Variants in MYO16 observed in about 807,000 individuals in gnomAD.
MYO16 encodes the protein unconventional myosin-XVI.
In MYO16, 94 loss-of-function variants were observed where a neutral mutation model predicts 205.3. The observed-to-expected ratio is 0.46, with a 90% CI of 0.39 to 0.54. The LOEUF (loss-of-function observed/expected upper bound fraction) is 0.54, where lower values mean the gene tolerates loss of function less well. Among genes scored for constraint, MYO16 ranks in the 20% least tolerant of loss-of-function variants. MYO16 has a pLI of 0.00. For synonymous variants in MYO16, 988 were observed against 954.0 expected (o/e 1.04, Z -0.66); for missense variants, 2,315 against 2,387.5 (o/e 0.97, Z 0.63).
intron 1 of MYO16, among the ~76,000 whole-genome samples, chr13:108,631,802 G>A (rs958613232): frequency 1.3e-5 from 2 of 152,182 alleles, no homozygotes; most frequent in Non-Finnish European, 2.9e-5. Flanking sequence ...AGAAGGCCGG[G>A]CGTGATGGCT....
chr13:108,581,463 A>G, the MYO16 span, among the ~76,000 whole-genome samples: 3 of 151,928 alleles, frequency 2.0e-5, no homozygotes, highest in East Asian at 3.9e-4. Flanking sequence ...TTTTCTACTT[A>G]TATCTCTCGC....
chr13:109,120,385 G>T lies in MYO16; in HGVS notation c.3454G>T (p.Val1152Leu). 1 of 1,604,714 alleles carries T rather than the reference G, an allele frequency of 6.2e-7. No individual in the cohort carries two copies. Among genetic ancestry groups the T allele is most frequent in the South Asian group, 1.1e-5 (1 of 88,522 alleles). Reference sequence around the variant, plus strand: ...TGCATTTTAGATGGGAGTCCGAAAAGTGTTTCTAAAATACTGGCATGCTGA... The same window carrying T: ...TGCATTTTAGATGGGAGTCCGAAAATTGTTTCTAAAATACTGGCATGCTGA... ...LQGWQMGVRK[V>L]FLKYWHADQL... The change falls in exon 29 of 35, where the codon GTG (valine) becomes TTG (leucine). Residue 1152 changes from valine (V) to leucine (L), a missense_variant. Physicochemically the swap from Val to Leu is conservative, Grantham distance 32 (BLOSUM62 1). Transcript: ENST00000457511.
chr13:108,663,666 T>C (rs1881600771), intron 1 of MYO16, among the ~76,000 whole-genome samples: 1 of 152,192 alleles, frequency 6.6e-6, no homozygotes, highest in Non-Finnish European at 1.5e-5. Context: ...TGAATCATGA[T>C]CTGTCACTGT....
the MYO16 span, among the ~76,000 whole-genome samples, chr13:108,578,064 C>G: frequency 2.6e-5 from 4 of 152,148 alleles, no homozygotes; most frequent in African/African-American, 9.7e-5. Flanking sequence ...ATGAAGTTTT[C>G]AGGATTAAAT....
intron 33 of MYO16, among the ~76,000 whole-genome samples, chr13:109,172,112 G>A (rs189404360): frequency 1.3e-5 from 2 of 152,120 alleles, no homozygotes; most frequent in Admixed American, 6.5e-5. Flanking sequence ...GCCGCACCTC[G>A]AAATCAATCC....
At chr13:109,202,608 A>G (rs773466821) in intron 34 of MYO16, among the ~76,000 whole-genome samples, 1 of 152,226 alleles carries the variant, frequency 6.6e-6, no homozygotes, top group Non-Finnish European at 1.5e-5. Context: ...TAGAATCAAC[A>G]TTGTGAAAAT....
chr13:108,701,288 C>T (rs1473401531), intron 2 of MYO16, among the ~76,000 whole-genome samples: 1 of 152,138 alleles, frequency 6.6e-6, no homozygotes, highest in African/African-American at 2.4e-5. Flanking sequence ...TGTCACCCCC[C>T]TGCAAACTCA....
intron 11 of MYO16, among the ~76,000 whole-genome samples, chr13:108,863,983 C>T (rs1878580858): frequency 6.6e-6 from 1 of 152,118 alleles, no homozygotes; most frequent in African/African-American, 2.4e-5. Flanking sequence ...ATAATACCAT[C>T]TTCATCTGTT....
rs571769397 is a variant in MYO16 at position 108,880,265 on chromosome 13, C to T, written c.1426-2794C>T. Among the ~76,000 whole-genome samples the T allele has an allele frequency of 2.6e-5, 4 of 152,296 alleles. No homozygotes were observed. The South Asian group carries it at 6.2e-4, about 24-fold the overall frequency. ...TCTTTGTAGATTCTGGATATTAGCC[C>T]TTTGTCAGTTGGGTAGATTGCAAAA... On this transcript the variant is annotated intron_variant, in intron 12 of 34. Coordinates refer to ENST00000457511, the MANE Select transcript of MYO16 (RefSeq NM_001198950.3).
intron 4 of MYO16, among the ~76,000 whole-genome samples, chr13:108,735,432 G>T (rs1037557510): frequency 6.6e-6 from 1 of 151,928 alleles, no homozygotes; most frequent in Non-Finnish European, 1.5e-5. Flanking sequence ...CCCTACAAAG[G>T]ACATGAACTC....
intron 34 of MYO16, among the ~76,000 whole-genome samples, chr13:109,184,731 G>A (rs753711015): frequency 7.9e-5 from 12 of 151,796 alleles, no homozygotes; most frequent in Non-Finnish European, 1.2e-4. Flanking sequence ...CAAGTAGTTG[G>A]GATTACAGGC....
intron 11 of MYO16, among the ~76,000 whole-genome samples, chr13:108,861,491 T>A (rs1462325558): frequency 6.6e-6 from 1 of 152,206 alleles, no homozygotes; most frequent in Admixed American, 6.5e-5. Context: ...TGCACCTTTT[T>A]ATTTTTTGGC....
At chr13:108,754,615 G>A (rs780311139) in intron 4 of MYO16, among the ~76,000 whole-genome samples, 2 of 152,142 alleles carry the variant, frequency 1.3e-5, no homozygotes, top group Non-Finnish European at 2.9e-5. Context: ...AAAACATTGT[G>A]GCAAATGGCA....
chr13:108,570,146 G>A, the MYO16 span, among the ~76,000 whole-genome samples: 1 of 152,088 alleles, frequency 6.6e-6, no homozygotes, highest in Admixed American at 6.6e-5. Context: ...TACTTAGGGT[G>A]TGTTTTATTT....
At chr13:108,797,497 C>A (rs186429591) in intron 6 of MYO16, among the ~76,000 whole-genome samples, 1 of 152,284 alleles carries the variant, frequency 6.6e-6, no homozygotes, top group Non-Finnish European at 1.5e-5. Context: ...GACGAAATGT[C>A]CTCGGAACCA....
At chr13:108,651,635 A>G (rs1223672929) in intron 1 of MYO16, among the ~76,000 whole-genome samples, 1 of 152,248 alleles carries the variant, frequency 6.6e-6, no homozygotes, top group African/African-American at 2.4e-5. Flanking sequence ...ATGGAAACAC[A>G]AGAAATGGCC....
intron 2 of MYO16, among the ~76,000 whole-genome samples, chr13:108,697,857 G>T (rs1594217573): frequency 6.6e-6 from 1 of 151,908 alleles, no homozygotes; most frequent in East Asian, 1.9e-4. Flanking sequence ...CCAGTAGCTG[G>T]GGCTACAGGC....
At chr13:108,539,191 T>A in the MYO16 span, among the ~76,000 whole-genome samples, 1 of 152,140 alleles carries the variant, frequency 6.6e-6, no homozygotes, top group Non-Finnish European at 1.5e-5. Context: ...TTGCCAAAAA[T>A]TCTTTTGAAG....
chr13:108,527,421 C>T, the MYO16 span, among the ~76,000 whole-genome samples: 1 of 152,026 alleles, frequency 6.6e-6, no homozygotes, highest in Non-Finnish European at 1.5e-5. Flanking sequence ...TTAACAAATT[C>T]CCCATATCAA....
Sources: gnomAD v4.1 joint callset for allele counts (sites outside exome capture counted in the v4.1 genomes callset) on GRCh38, gnomAD v4.1.1 for gene constraint, MANE v1.5 for transcripts, NCBI Gene and HGNC (gene_info 2026-07-23, HGNC 2026-07-21) for gene names.